TMEM178B: variants seen among roughly 807,000 people sequenced by gnomAD.
TMEM178B encodes transmembrane protein 178B.
TMEM178B carries 5 observed loss-of-function variants against 31.0 expected under a neutral mutation model. That is an observed-to-expected ratio of 0.16 (90% CI 0.08 to 0.34). The LOEUF (loss-of-function observed/expected upper bound fraction) is 0.34. Among genes scored for constraint, TMEM178B ranks in the 10% least tolerant of loss-of-function variants. The probability of loss-of-function intolerance (pLI) is 1.00; values close to 1 mark genes in which losing one functional copy is unlikely to be tolerated. For synonymous variants in TMEM178B, 164 were observed against 164.0 expected (o/e 1.00, Z 0.00); for missense variants, 275 against 400.3 (o/e 0.69, Z 2.67).
intron 2 of TMEM178B, among the ~76,000 whole-genome samples, chr7:141,409,106 A>G (rs1206312526): frequency 1.3e-5 from 2 of 152,180 alleles, no homozygotes; most frequent in African/African-American, 4.8e-5. Context: ...AAGGAGTTCA[A>G]GGTGTGGAAT....
rs959482214 is a variant in TMEM178B at position 141,422,866 on chromosome 7, A to G, written c.497-14742A>G. On this transcript the variant is annotated intron_variant, in intron 2 of 3. Coordinates refer to ENST00000565468, the MANE Select transcript of TMEM178B (RefSeq NM_001195278.2). This position sits in a 1 kb window ranked among gnomAD's most constrained non-coding sequence, Gnocchi z 4.2. ...GTAAACTGAAGGCGGCGAGAGCACT[A>G]TGAGTTGCAGAACTAGATCGGGGCA... Among the ~76,000 whole-genome samples, 5 of 152,088 alleles carry G rather than the reference A, an allele frequency of 3.3e-5. No homozygotes were observed. The highest frequency in any genetic ancestry group is 2.6e-4 in the Admixed American group (4 of 15,280).
chr7:141,499,452 A>T, the TMEM178B span, among the ~76,000 whole-genome samples: 1 of 137,158 alleles, frequency 7.3e-6, no homozygotes, highest in South Asian at 2.4e-4. Flanking sequence ...CCATAGGAAG[A>T]CCACATCTCT....
At chr7:141,497,712 C>T in the TMEM178B span, among the ~76,000 whole-genome samples, 1 of 152,212 alleles carries the variant, frequency 6.6e-6, no homozygotes, top group African/African-American at 2.4e-5. Context: ...TGACTGGCTT[C>T]CCTGTCTCTA....
At chr7:141,407,426 T>C (rs1351908781) in intron 2 of TMEM178B, among the ~76,000 whole-genome samples, 2 of 152,266 alleles carry the variant, frequency 1.3e-5, no homozygotes, top group Non-Finnish European at 2.9e-5. Context: ...TGCTCCTGGA[T>C]GTGCTTTTCC....
intron 2 of TMEM178B, among the ~76,000 whole-genome samples, chr7:141,320,241 C>A (rs1420020526): frequency 1.3e-5 from 2 of 151,986 alleles, no homozygotes; most frequent in Non-Finnish European, 2.9e-5. Context: ...ACCTTTTTTT[C>A]TTTGTAAATT....
At chr7:141,339,253 C>G (rs560801694) in intron 2 of TMEM178B, among the ~76,000 whole-genome samples, 13 of 152,246 alleles carry the variant, frequency 8.5e-5, no homozygotes, top group African/African-American at 3.1e-4. Context: ...GGGGAGTGAT[C>G]GTTTCCACAC....
At chr7:141,214,623 A>G (rs111727334) in intron 2 of TMEM178B, among the ~76,000 whole-genome samples, 1,623 of 152,330 alleles carry the variant, frequency 0.011, 28 homozygotes, top group African/African-American at 0.036. Context: ...CCTGGAATTC[A>G]AAGAGATTAC....
At chr7:141,380,992 C>A (rs555080067) in intron 2 of TMEM178B, among the ~76,000 whole-genome samples, 3 of 152,178 alleles carry the variant, frequency 2.0e-5, no homozygotes, top group Non-Finnish European at 4.4e-5. Flanking sequence ...CCATCACTGT[C>A]TCCCCGTACC....
chr7:141,074,632 C>A lies in TMEM178B; in HGVS notation c.322C>A (p.Leu108Ile). The part of the protein sequence containing the change: ...SRQYNSTNMG[L>I]WRKCHRQGFD... ...GCAGTACAACTCCACCAACATGGGC[C>A]TCTGGAGGAAGTGCCACCGGCAGGG... Residue 108 changes from leucine to isoleucine, a missense_variant, in exon 1 of 4, where the codon CTC becomes ATC. Leu to Ile is a conservative substitution (Grantham distance 5, BLOSUM62 2). Coordinates refer to ENST00000565468, the MANE Select transcript of TMEM178B (RefSeq NM_001195278.2). This position sits in a 1 kb window ranked among gnomAD's most constrained non-coding sequence, Gnocchi z 5.1. 1 of 1,528,678 alleles carries A rather than the reference C, an allele frequency of 6.5e-7. No homozygotes were observed. Among genetic ancestry groups the A allele is most frequent in the Admixed American group, 2.0e-5 (1 of 50,774 alleles). 94.7% of individuals were successfully genotyped at this position (1,528,678 alleles called of 1,614,324 possible). A position where few individuals can be genotyped will look rare whatever the true frequency, so the allele number is the denominator to read the frequency against.
At chr7:141,091,115 G>C (rs1220112700) in intron 1 of TMEM178B, among the ~76,000 whole-genome samples, 1 of 152,138 alleles carries the variant, frequency 6.6e-6, no homozygotes, top group Non-Finnish European at 1.5e-5. Context: ...ATTTATATTA[G>C]GAGTTAATTA....
chr7:141,212,430 T>C (rs972103701), intron 1 of TMEM178B, among the ~76,000 whole-genome samples, 161 bp from the exon 2 acceptor site: 1 of 152,216 alleles, frequency 6.6e-6, no homozygotes, highest in African/African-American at 2.4e-5. Context: ...GTAGTTCTAC[T>C]CTCTTGCTCT....
At chr7:141,427,655 T>G (rs1008821001) in intron 2 of TMEM178B, among the ~76,000 whole-genome samples, 1 of 152,176 alleles carries the variant, frequency 6.6e-6, no homozygotes, top group Non-Finnish European at 1.5e-5. Flanking sequence ...AAGGATTTTT[T>G]TTTATATGAG....
chr7:141,101,908 C>CGTGTGTGTGTGTGTGT (rs3032868), intron 1 of TMEM178B, among the ~76,000 whole-genome samples: 23 of 142,712 alleles, frequency 1.6e-4, no homozygotes, highest in African/African-American at 5.3e-4. Context: ...TGTGTGTTAA[C>CGTGTGTGTGTGTGTGT]GTGTGTGTGT....
intron 1 of TMEM178B, among the ~76,000 whole-genome samples, chr7:141,114,071 T>A (rs1234731064): frequency 2.0e-5 from 3 of 152,248 alleles, no homozygotes; most frequent in Non-Finnish European, 2.9e-5. Context: ...TGAAACCAGA[T>A]GACCACAGAA....
chr7:141,074,518 T>A lies in TMEM178B; in HGVS notation c.208T>A (p.Ser70Thr). Residue 70 changes from serine (S) to threonine (T), a missense_variant, in exon 1 of 4, where the codon TCG becomes ACG. Physicochemically the swap from Ser to Thr is moderately conservative, Grantham distance 58. Transcript: ENST00000565468. This position sits in a 1 kb window ranked among gnomAD's most constrained non-coding sequence, Gnocchi z 5.1. ...NNNLPLRASR[S>T]RLDRWEGKLL... is the part of the protein sequence containing the mutation. ...CAACTTGCCGCTCCGGGCGAGCCGC[T>A]CGCGCCTGGACCGCTGGGAGGGCAA... is the stretch of plus-strand genomic sequence containing the variant. 1 of 1,535,988 alleles carries A rather than the reference T, an allele frequency of 6.5e-7. No individual in the cohort carries two copies. Among genetic ancestry groups the A allele is most frequent in the Non-Finnish European group, 8.7e-7 (1 of 1,146,798 alleles).
rs186808787 is a variant in TMEM178B, at chr7:141,462,779, A to G, written c.635-7757A>G. Among the ~76,000 whole-genome samples the G allele has an allele frequency of 7.5e-3, 1,145 of 152,078 alleles. 23 individuals carry two copies. The highest frequency in any genetic ancestry group is 0.026 in the African/African-American group (1,065 of 41,478). On this transcript the variant is annotated intron_variant, in intron 3 of 3. Transcript: ENST00000565468. ...GCATGAAAGTGGCTTCCTCTCTTTC[A>G]CACTCACAGTGTGAAGGGGTCCTGG...
At chr7:141,268,647 C>T (rs963869261) in intron 2 of TMEM178B, among the ~76,000 whole-genome samples, 1 of 152,218 alleles carries the variant, frequency 6.6e-6, no homozygotes, top group Admixed American at 6.5e-5. Flanking sequence ...AAGAACAGAG[C>T]TTTCAATGGA....
chr7:141,435,012 C>T (rs748487491), intron 2 of TMEM178B, among the ~76,000 whole-genome samples: 24 of 152,144 alleles, frequency 1.6e-4, no homozygotes, highest in Non-Finnish European at 3.1e-4. Flanking sequence ...CATTGAAAGA[C>T]ACTTCTCATG....
intron 2 of TMEM178B, among the ~76,000 whole-genome samples, chr7:141,224,970 C>T (rs371475845): frequency 1.3e-5 from 2 of 152,192 alleles, no homozygotes; most frequent in East Asian, 3.8e-4. Context: ...AAGGGATTGA[C>T]CGCTAAAGGT....
Sources: allele counts gnomAD v4.1 joint callset (sites outside exome capture counted in the v4.1 genomes callset), GRCh38; gene constraint gnomAD v4.1.1; non-coding constraint Gnocchi (gnomAD v3.1); transcripts MANE v1.5; gene names NCBI Gene and HGNC (gene_info 2026-07-23, HGNC 2026-07-21).